Variants in ICAM5 observed in about 807,000 individuals in gnomAD.
ICAM5 encodes the protein ICAM-5.
In ICAM5, 38 loss-of-function variants were observed where a neutral mutation model predicts 78.8. The observed-to-expected ratio is 0.48, with a 90% CI of 0.37 to 0.63. The LOEUF is 0.63. ICAM5 is among the 30% of genes least tolerant of loss of function. The pLI is 0.00. For missense variants in ICAM5, 1,059 were observed against 1,303.0 expected (o/e 0.81, Z 2.88); for synonymous variants, 544 against 590.9 (o/e 0.92, Z 1.15).
rs1428542102 is a variant in ICAM5 at position 10,290,868 on chromosome 19, G to A, written c.83-204G>A. The stretch of plus-strand genomic sequence containing the variant: ...GGAGACCATGGCTCTCTGCTACCAC[G>A]TCCCAGAGACACCCTCGAGGTTTAG... On this transcript the variant is annotated intron_variant, in intron 1 of 10. Coordinates refer to ENST00000221980, the MANE Select transcript of ICAM5 (RefSeq NM_003259.4). This position sits in a 1 kb window ranked among gnomAD's most constrained non-coding sequence, Gnocchi z 5.7. 2 of 647,836 alleles carry A rather than the reference G, an allele frequency of 3.1e-6. No individual in the cohort carries two copies. Among genetic ancestry groups the A allele is most frequent in the Non-Finnish European group, 5.2e-6 (2 of 382,774 alleles). The allele number at this position is 647,836 out of a possible 1,614,324, so 40.1% of individuals were successfully genotyped here. A position where few individuals can be genotyped will look rare whatever the true frequency, so the allele number is the denominator to read the frequency against.
In ICAM5 at chr19:10,294,520, C is replaced by G; in HGVS notation, c.2110C>G (p.Arg704Gly). 1 of 1,608,634 alleles carries G rather than the reference C, an allele frequency of 6.2e-7. No homozygotes were observed. The highest frequency in any genetic ancestry group is 8.5e-7 in the Non-Finnish European group (1 of 1,177,092). The change falls in exon 9 of 11, where the codon CGG becomes GGG. Residue 704 changes from arginine to glycine, a missense_variant. Transcript: ENST00000221980. This position sits in a 1 kb window ranked among gnomAD's most constrained non-coding sequence, Gnocchi z 7.7. ...GRPSPGVRCS[R>G]EGIPWPEQQR... is the part of the protein sequence containing the mutation. ...CCCTTCCCCAGGAGTGCGCTGCTCT[C>G]GGGAAGGCATCCCATGGCCTGAGCA... is the stretch of plus-strand genomic sequence containing the variant.
rs2040174174 is a variant in ICAM5 at position 10,291,682 on chromosome 19, A to G, written c.546A>G (p.Thr182=). Residue 182 remains threonine, a synonymous_variant, in exon 3 of 11, where the codon ACA becomes ACG. Coordinates refer to ENST00000221980, the MANE Select transcript of ICAM5 (RefSeq NM_003259.4). Reference sequence around the variant, plus strand: ...CCCGAGCGCGGGGCGCGGTGCTCACAGCCACGGTACTGGCTCGGAGGGAGG... The same window carrying G: ...CCCGAGCGCGGGGCGCGGTGCTCACGGCCACGGTACTGGCTCGGAGGGAGG... ...EPPRARGAVL[T]ATVLARREDH... 2 of 1,612,536 alleles carry G rather than the reference A, an allele frequency of 1.2e-6. No individual in the cohort carries two copies. Among genetic ancestry groups the G allele is most frequent in the African/African-American group, 2.7e-5 (2 of 74,920 alleles).
At position 10,294,143 on chromosome 19, in the gene ICAM5, C is replaced by A; in HGVS notation, c.1815C>A (p.Ser605Arg). The change falls in exon 8 of 11, where the codon AGC (serine) becomes AGA (arginine). Residue 605 changes from serine to arginine, a missense_variant. This residue lies in a region of ICAM5 where 815 missense variants were observed against 952.8 expected (regional missense o/e 0.86). Transcript: ENST00000221980. This position sits in a 1 kb window ranked among gnomAD's most constrained non-coding sequence, Gnocchi z 7.7. ...AGGTCGATGGGAAGCCACAGCCAAG[C>A]GTGAAGTGCGTGGGCTCCGGGGGCG... ...SCEVDGKPQP[S>R]VKCVGSGGAT... The A allele has an allele frequency of 1.2e-6, 2 of 1,610,170 alleles. No individual in the cohort carries two copies. Among genetic ancestry groups the A allele is most frequent in the African/African-American group, 1.3e-5 (1 of 74,644 alleles).
rs768334317 is a variant in ICAM5 at position 10,292,869 on chromosome 19, G to T, written c.1216+3G>T. 7 of 1,610,926 alleles carry T rather than the reference G, an allele frequency of 4.3e-6. No homozygotes were observed. The highest frequency in any genetic ancestry group is 5.9e-6 in the Non-Finnish European group (7 of 1,178,490). On this transcript the variant is annotated splice_donor_region_variant and intron_variant, in intron 5 of 10. Coordinates refer to ENST00000221980, the MANE Select transcript of ICAM5 (RefSeq NM_003259.4). ...GAGCGCAGAGCTTCGTGTCCTATGT[G>T]AGTTGGTGATAACCCCTCGCCCCCC... is the stretch of plus-strand genomic sequence containing the variant.
rs1473083173 is a variant in ICAM5 at position 10,295,337 on chromosome 19, G to A, written c.2231-9G>A. 2 of 1,528,854 alleles carry A rather than the reference G, an allele frequency of 1.3e-6. No homozygotes were observed. Among genetic ancestry groups the A allele is most frequent in the Middle Eastern group, 1.7e-4 (1 of 5,722 alleles). The allele number at this position is 1,528,854 out of a possible 1,614,324, so 94.7% of individuals were successfully genotyped here. A position where few individuals can be genotyped will look rare whatever the true frequency, so the allele number is the denominator to read the frequency against. ...CGCTAAGCCCCACTTCACCTTCTGT[G>A]CCCTTCAGACCGGCCAGTGGTGGCC... On this transcript the variant is annotated splice_polypyrimidine_tract_variant and intron_variant, in intron 9 of 10. Transcript: ENST00000221980.
At chr19:10,295,961 G>C (rs2040217106) in intron 10 of ICAM5, among the ~76,000 whole-genome samples, 1 of 152,130 alleles carries the variant, frequency 6.6e-6, no homozygotes, top group African/African-American at 2.4e-5. Context: ...ATTGGATGTT[G>C]GAGGGAGAGA....
chr19:10,296,289 A>G, intron 10 of ICAM5, 50 bp from the exon 11 acceptor site: 1 of 1,223,284 alleles, frequency 8.2e-7, no homozygotes, highest in Non-Finnish European at 1.0e-6. Flanking sequence ...GGGCGGTGGG[A>G]GAAGCCCCCC....
At position 10,294,384 on chromosome 19, in the gene ICAM5, C is replaced by G. The variant is rs2040203569; in HGVS notation, c.1991-17C>G. 6.2e-7 allele frequency: 1 copy of G among 1,612,916 alleles called. No individual in the cohort carries two copies. Among genetic ancestry groups the G allele is most frequent in the African/African-American group, 1.3e-5 (1 of 74,908 alleles). The stretch of plus-strand genomic sequence containing the variant: ...CGGTCCAGGCACTCCCTGACATCCC[C>G]CATGGCTGCTTTGCAGCGCCACCGG... On this transcript the variant is annotated splice_polypyrimidine_tract_variant and intron_variant, in intron 8 of 10. Coordinates refer to ENST00000221980, the MANE Select transcript of ICAM5 (RefSeq NM_003259.4). This position sits in a 1 kb window ranked among gnomAD's most constrained non-coding sequence, Gnocchi z 7.7.
chr19:10,296,033 G>C (rs959828244), intron 10 of ICAM5, among the ~76,000 whole-genome samples: 9 of 152,094 alleles, frequency 5.9e-5, no homozygotes, highest in South Asian at 2.1e-4. Flanking sequence ...CTCTGGGGTC[G>C]GGGGAACCTG....
Position 10,292,190 on chromosome 19 carries a change from C to A in ICAM5, c.829C>A (p.Leu277Ile). The change falls in exon 4 of 11, where the codon CTC becomes ATC. Residue 277 changes from leucine (L) to isoleucine (I), a missense_variant. By Grantham distance (5) the Leu-to-Ile change is conservative. Transcript: ENST00000221980. ...CCAGAATCTGAGTCCTGATGTCACC[C>A]TCGAAGGGGACGCATTCGTGGCCAC... ...GDQNLSPDVT[L>I]EGDAFVATAT... is the part of the protein sequence containing the mutation. The A allele has an allele frequency of 6.2e-7, 1 of 1,613,338 alleles. No individual in the cohort carries two copies. The highest frequency in any genetic ancestry group is 8.5e-7 in the Non-Finnish European group (1 of 1,180,026).
rs1407389094 is a variant in ICAM5, at chr19:10,296,404, G to T, written c.2563G>T (p.Gly855Cys). 12 of 1,283,810 alleles carry T rather than the reference G, an allele frequency of 9.3e-6. No homozygotes were observed. Among genetic ancestry groups the T allele is most frequent in the South Asian group, 2.6e-5 (1 of 37,986 alleles). The allele number at this position is 1,283,810 out of a possible 1,614,324, so 79.5% of individuals were successfully genotyped here. The change falls in exon 11 of 11, where the codon GGC (glycine) becomes TGC (cysteine). Residue 855 changes from glycine to cysteine, a missense_variant. Around this residue, in one of 3 missense-constraint regions of ICAM5, gnomAD observed 109 missense variants for 120.0 expected, o/e 0.91. Transcript: ENST00000221980. Reference protein sequence around the residue: ...GGAALLAAGAGLAFYVQSTAC... With the variant: ...GGAALLAAGACLAFYVQSTAC... ...CGCGGCGCTGCTGGCCGCGGGGGCC[G>T]GCCTGGCCTTCTACGTGCAGTCCAC...
rs2040164276 is a variant in ICAM5, at chr19:10,290,742, C to T, written c.83-330C>T. 2 of 422,302 alleles carry T rather than the reference C, an allele frequency of 4.7e-6. No homozygotes were observed. The highest frequency in any genetic ancestry group is 4.2e-5 in the South Asian group (1 of 23,590). 26.2% of individuals were successfully genotyped at this position (422,302 alleles called of 1,614,324 possible). A position where few individuals can be genotyped will look rare whatever the true frequency, so the allele number is the denominator to read the frequency against. The stretch of plus-strand genomic sequence containing the variant: ...CTGGTTCATCCCCCATCCCCCATCC[C>T]GGGTCCCCTTCTCTCAGCCTTGCTG... On this transcript the variant is annotated intron_variant, in intron 1 of 10. Coordinates refer to ENST00000221980, the MANE Select transcript of ICAM5 (RefSeq NM_003259.4). The surrounding 1 kb of genome is among the most constrained non-coding windows in gnomAD (Gnocchi z 5.7).
At position 10,290,101 on chromosome 19, in the gene ICAM5, G is replaced by C. The variant is rs1408299868; in HGVS notation, c.58G>C (p.Gly20Arg). 6.5e-7 allele frequency: 1 copy of C among 1,537,350 alleles called. No homozygotes were observed. Among genetic ancestry groups the C allele is most frequent in the South Asian group, 1.2e-5 (1 of 83,124 alleles). The change falls in exon 1 of 11, where the codon GGC (glycine) becomes CGC (arginine). Residue 20 changes from glycine (G) to arginine (R), a missense_variant. Gly to Arg is a moderately radical substitution (Grantham distance 125). Around this residue, in one of 3 missense-constraint regions of ICAM5, gnomAD observed 815 missense variants for 952.8 expected, o/e 0.86. Coordinates refer to ENST00000221980, the MANE Select transcript of ICAM5 (RefSeq NM_003259.4). This position sits in a 1 kb window ranked among gnomAD's most constrained non-coding sequence, Gnocchi z 5.7. ...GCTACTCGGCCTCTGGGCTGCTCTG[G>C]GCCTGGGGCTCTTCGGCCTCTCAGG... ...RALLGLWAAL[G>R]LGLFGLSAVS...
At position 10,293,882 on chromosome 19, in the gene ICAM5, C is replaced by G; in HGVS notation, c.1650C>G (p.Tyr550Ter). 6.2e-7 allele frequency: 1 copy of G among 1,611,600 alleles called. No individual in the cohort carries two copies. The highest frequency in any genetic ancestry group is 8.5e-7 in the Non-Finnish European group (1 of 1,180,014). Residue 550 changes from tyrosine to a stop codon, truncating the protein, a stop_gained, in exon 7 of 11, where the codon TAC (tyrosine) becomes TAG (stop). Coordinates refer to ENST00000221980, the MANE Select transcript of ICAM5 (RefSeq NM_003259.4). LOFTEE classifies it high-confidence loss of function. The surrounding 1 kb of genome is among the most constrained non-coding windows in gnomAD (Gnocchi z 5.0). The stretch of plus-strand genomic sequence containing the variant: ...TGGCCCGGGAGCATGCGGGCACTTA[C>G]CGCTGCGAAGCCACCAACCCTCGGG... Reference protein sequence around the residue: ...LRVAREHAGTYRCEATNPRGS... With the variant: ...LRVAREHAGT
rs1415627228 is a variant in ICAM5 at position 10,293,708 on chromosome 19, G to T, written c.1476G>T (p.Ala492=). The T allele has an allele frequency of 2.5e-6, 4 of 1,613,536 alleles. No individual in the cohort carries two copies. The highest frequency in any genetic ancestry group is 1.1e-5 in the South Asian group (1 of 91,072). The change falls in exon 7 of 11, where the codon GCG becomes GCT. Residue 492 remains alanine, a synonymous_variant. Coordinates refer to ENST00000221980, the MANE Select transcript of ICAM5 (RefSeq NM_003259.4). The surrounding 1 kb of genome is among the most constrained non-coding windows in gnomAD (Gnocchi z 5.0). ...DVTLTVEYAP[A]LDSVGCPERI... is the part of the protein sequence containing the mutation. The stretch of plus-strand genomic sequence containing the variant: ...CACTCCCTCCTCCAGACGCACCAGC[G>T]CTGGACAGCGTGGGCTGCCCAGAAC...
chr19:10,295,389 C>A lies in ICAM5; in HGVS notation c.2274C>A (p.Gly758=), dbSNP rs772178904. The A allele has an allele frequency of 7.5e-6, 12 of 1,597,040 alleles. No homozygotes were observed. Among genetic ancestry groups the A allele is most frequent in the Non-Finnish European group, 1.0e-5 (12 of 1,174,126 alleles). ...VAELAASPPG[G]VRPGGNFTLT... ...AACTTGCTGCCTCGCCCCCTGGAGG[C>A]GTGCGCCCAGGAGGAAACTTCACGT... is the stretch of plus-strand genomic sequence containing the variant. Residue 758 remains glycine (G), a synonymous_variant, in exon 10 of 11, where the codon GGC becomes GGA. Coordinates refer to ENST00000221980, the MANE Select transcript of ICAM5 (RefSeq NM_003259.4).
Position 10,294,697 on chromosome 19 carries a change from G to A in ICAM5, c.2230+57G>A. 6.2e-7 allele frequency: 1 copy of A among 1,606,038 alleles called. No homozygotes were observed. The highest frequency in any genetic ancestry group is 8.5e-7 in the Non-Finnish European group (1 of 1,177,796). On this transcript the variant is annotated intron_variant, in intron 9 of 10. Transcript: ENST00000221980. The surrounding 1 kb of genome is among the most constrained non-coding windows in gnomAD (Gnocchi z 7.7). ...ACGGTCCTCGGAAGAATGACTCGCA[G>A]CGGTGGGAGCATTCAAGGGCACCTC... is the stretch of plus-strand genomic sequence containing the variant.
chr19:10,292,800 G>A lies in ICAM5; in HGVS notation c.1150G>A (p.Asp384Asn). 6.2e-7 allele frequency: 1 copy of A among 1,613,448 alleles called. No homozygotes were observed. The highest frequency in any genetic ancestry group is 8.5e-7 in the Non-Finnish European group (1 of 1,179,976). The change falls in exon 5 of 11, where the codon GAC becomes AAC. Residue 384 changes from aspartate to asparagine, a missense_variant. Around this residue, in one of 3 missense-constraint regions of ICAM5, gnomAD observed 815 missense variants for 952.8 expected, o/e 0.86. Coordinates refer to ENST00000221980, the MANE Select transcript of ICAM5 (RefSeq NM_003259.4). ...ENDDRRSFFC[D>N]ATLDVDGETL... Reference sequence around the variant, plus strand: ...CGACGACAGACGCAGCTTCTTCTGCGACGCCACCCTCGATGTGGACGGGGA... The same window carrying A: ...CGACGACAGACGCAGCTTCTTCTGCAACGCCACCCTCGATGTGGACGGGGA...
rs1325055861 is a variant in ICAM5 at position 10,290,896 on chromosome 19, T to A, written c.83-176T>A. Reference sequence around the variant, plus strand: ...CCAGAGACACCCTCGAGGTTTAGACTCTGGGAGTGCGCCTTTAAACCGGAG... The same window carrying A: ...CCAGAGACACCCTCGAGGTTTAGACACTGGGAGTGCGCCTTTAAACCGGAG... On this transcript the variant is annotated intron_variant, in intron 1 of 10. Transcript: ENST00000221980. The surrounding 1 kb of genome is among the most constrained non-coding windows in gnomAD (Gnocchi z 5.7). The A allele has an allele frequency of 1.3e-6, 1 of 758,044 alleles. No homozygotes were observed. Among genetic ancestry groups the A allele is most frequent in the Non-Finnish European group, 2.1e-6 (1 of 479,888 alleles). The allele number at this position is 758,044 out of a possible 1,614,324, so 47.0% of individuals were successfully genotyped here. A position where few individuals can be genotyped will look rare whatever the true frequency, so the allele number is the denominator to read the frequency against.
Sources: gnomAD v4.1 joint callset for allele counts (sites outside exome capture counted in the v4.1 genomes callset) on GRCh38, gnomAD v4.1.1 for gene constraint, gnomAD v4.1.1 regional missense constraint, Gnocchi (gnomAD v3.1) non-coding constraint, MANE v1.5 for transcripts, NCBI Gene and HGNC (gene_info 2026-07-23, HGNC 2026-07-21) for gene names.